The following AGBL4 variants were observed in gnomAD, a reference collection of about 807,000 sequenced individuals.
The protein encoded by AGBL4 is AGBL carboxypeptidase 4.
A neutral mutation model predicts 66.4 loss-of-function variants in AGBL4; 58 were observed. That is an observed-to-expected ratio of 0.87 (90% CI 0.71 to 1.09). AGBL4 has a LOEUF of 1.09. AGBL4 is among the 50% of genes least tolerant of loss of function. The pLI, the probability that AGBL4 is intolerant of heterozygous loss-of-function variation, is 0.00. For missense variants in AGBL4, 579 were observed against 631.0 expected (o/e 0.92, Z 0.88); for synonymous variants, 234 against 222.9 (o/e 1.05, Z -0.44).
intron 3 of AGBL4, among the ~76,000 whole-genome samples, chr1:49,314,935 A>G (rs1191325392): frequency 6.6e-6 from 1 of 152,226 alleles, no homozygotes; most frequent in East Asian, 1.9e-4. Context: ...AACTGCTGTG[A>G]GATGGTATCT....
At chr1:49,806,559 G>A (rs1364530485) in intron 2 of AGBL4, among the ~76,000 whole-genome samples, 1 of 152,140 alleles carries the variant, frequency 6.6e-6, no homozygotes, top group Non-Finnish European at 1.5e-5. Context: ...AAAACTCTCA[G>A]CCTCTCCAAA....
chr1:48,555,661 T>C (rs1222787690), intron 11 of AGBL4, among the ~76,000 whole-genome samples: 1 of 152,086 alleles, frequency 6.6e-6, no homozygotes, highest in East Asian at 1.9e-4. Context: ...ATGCTCAAAT[T>C]TGGTTCCAGG....
intron 3 of AGBL4, among the ~76,000 whole-genome samples, chr1:49,346,523 G>A (rs901463983): frequency 5.9e-5 from 9 of 152,102 alleles, no homozygotes; most frequent in Non-Finnish European, 7.4e-5. Context: ...TATTGCTGTC[G>A]TACTCTTTGT....
At chr1:49,146,621 A>G (rs756434910) in intron 4 of AGBL4, among the ~76,000 whole-genome samples, 35 of 152,316 alleles carry the variant, frequency 2.3e-4, no homozygotes, top group Non-Finnish European at 4.6e-4. Context: ...TGGTAGCTAT[A>G]AAGTGGGATG....
At chr1:48,922,343 C>G (rs1352710949) in intron 5 of AGBL4, among the ~76,000 whole-genome samples, 4 of 152,096 alleles carry the variant, frequency 2.6e-5, no homozygotes, top group Non-Finnish European at 5.9e-5. Flanking sequence ...CTAGTTGGCC[C>G]TTGAGTTTCA....
intron 1 of AGBL4, among the ~76,000 whole-genome samples, chr1:49,873,147 T>A (rs562477201): frequency 1.1e-4 from 16 of 152,080 alleles, no homozygotes; most frequent in Non-Finnish European, 2.2e-4. Flanking sequence ...GACTTCAGAG[T>A]AATATGGCCT....
At chr1:49,204,517 T>C (rs1016507795) in intron 4 of AGBL4, among the ~76,000 whole-genome samples, 5 of 152,114 alleles carry the variant, frequency 3.3e-5, no homozygotes, top group Non-Finnish European at 7.4e-5. Context: ...TGGCCTGAAG[T>C]GATCCTCCCA....
intron 5 of AGBL4, among the ~76,000 whole-genome samples, chr1:48,989,253 T>C (rs1425834786): frequency 1.3e-5 from 2 of 152,190 alleles, no homozygotes; most frequent in Admixed American, 6.5e-5. Context: ...TGGTACATAG[T>C]AGGTATATAT....
chr1:48,852,015 C>CTATTTTTTTTT (rs1647044893), intron 6 of AGBL4, among the ~76,000 whole-genome samples: 1 of 71,932 alleles, frequency 1.4e-5, no homozygotes, highest in African/African-American at 5.0e-5. Context: ...CAGATACGTA[C>CTATTTTTTTTT]TTTTTTTTTT....
chr1:49,431,169 A>C (rs556312904), intron 3 of AGBL4, among the ~76,000 whole-genome samples: 2 of 152,318 alleles, frequency 1.3e-5, no homozygotes, highest in East Asian at 3.9e-4. Flanking sequence ...TCTGGGTCAG[A>C]GGGTATACAT....
At chr1:48,737,330 TG>T (rs941766275) in intron 6 of AGBL4, among the ~76,000 whole-genome samples, 3 of 152,148 alleles carry the variant, frequency 2.0e-5, no homozygotes, top group Non-Finnish European at 4.4e-5. Flanking sequence ...CATCAGTTCG[TG>T]GGCCCCACTC....
chr1:48,697,793 C>T (rs1463876323), intron 6 of AGBL4, among the ~76,000 whole-genome samples: 2 of 152,294 alleles, frequency 1.3e-5, no homozygotes, highest in East Asian at 3.9e-4. Context: ...GATCTGGAGC[C>T]TGAAATCACT....
intron 4 of AGBL4, among the ~76,000 whole-genome samples, chr1:49,079,688 T>C (rs746845983): frequency 2.0e-5 from 3 of 152,216 alleles, no homozygotes; most frequent in Non-Finnish European, 4.4e-5. Context: ...CTAACACTTG[T>C]AGTGTAGGCA....
intron 1 of AGBL4, among the ~76,000 whole-genome samples, chr1:49,939,637 A>C (rs938564343): frequency 8.5e-5 from 13 of 152,208 alleles, no homozygotes; most frequent in Non-Finnish European, 1.5e-4. Context: ...TGCTTGGAAA[A>C]CTGGCTAGCC....
intron 3 of AGBL4, among the ~76,000 whole-genome samples, chr1:49,421,140 A>C (rs1275900277): frequency 6.6e-6 from 1 of 152,222 alleles, no homozygotes; most frequent in East Asian, 1.9e-4. Context: ...AACATCTCAA[A>C]GCCTTAGTGT....
In AGBL4 at chr1:49,225,225, T is replaced by C. The variant is rs1649820494; in HGVS notation, c.377+20545A>G. Among the ~76,000 whole-genome samples, 8 of 152,334 alleles carry C rather than the reference T, an allele frequency of 5.3e-5. No individual in the cohort carries two copies. In the South Asian group the frequency reaches 1.7e-3, roughly 32 times the overall value. On this transcript the variant is annotated intron_variant, in intron 4 of 13. Transcript: ENST00000371839. Reference sequence around the variant, plus strand: ...CTTCAGTATTGAACTCATTTAAGTTTCTTTCTTGCCCACTAGACTATAACT... The same window carrying C: ...CTTCAGTATTGAACTCATTTAAGTTCCTTTCTTGCCCACTAGACTATAACT...
At chr1:49,841,764 T>G in intron 2 of AGBL4, 1 of 309,780 alleles carries the variant, frequency 3.2e-6, no homozygotes, top group South Asian at 3.7e-5. Flanking sequence ...AAGCAGAGCA[T>G]AAAAGTTCAG....
intron 2 of AGBL4, among the ~76,000 whole-genome samples, chr1:49,810,547 T>C (rs1645075819): frequency 6.6e-6 from 1 of 151,912 alleles, no homozygotes; most frequent in Non-Finnish European, 1.5e-5. Flanking sequence ...TAATAGGGGG[T>C]ACTGGAGAAG....
chr1:48,592,392 C>A (rs1644931557), intron 9 of AGBL4, among the ~76,000 whole-genome samples: 1 of 152,190 alleles, frequency 6.6e-6, no homozygotes, highest in Admixed American at 6.5e-5. Flanking sequence ...AATGTGGGCT[C>A]AATGACTGTC....
Sources: gnomAD v4.1 joint callset for allele counts (sites outside exome capture counted in the v4.1 genomes callset) on GRCh38, gnomAD v4.1.1 for gene constraint, MANE v1.5 for transcripts, NCBI Gene and HGNC (gene_info 2026-07-23, HGNC 2026-07-21) for gene names.